Variants in ULK4 observed in about 807,000 individuals in gnomAD.
ULK4 encodes inactive serine/threonine-protein kinase ULK4.
A neutral mutation model predicts 160.6 loss-of-function variants in ULK4; 133 were observed. The ratio of observed to expected loss-of-function variants is 0.83; its 90% CI spans 0.72 to 0.96. The LOEUF (loss-of-function observed/expected upper bound fraction) is 0.96, where lower values mean the gene tolerates loss of function less well. Ranked by LOEUF, ULK4 falls within the 40% of genes least tolerant of loss-of-function variation. The pLI is 0.00. For missense variants in ULK4, 1,580 were observed against 1,499.5 expected (o/e 1.05, Z -0.89); for synonymous variants, 534 against 539.8 (o/e 0.99, Z 0.15).
chr3:41,870,317 TGA>T (rs1697042811), intron 17 of ULK4, among the ~76,000 whole-genome samples: 1 of 152,212 alleles, frequency 6.6e-6, no homozygotes, highest in African/African-American at 2.4e-5. Flanking sequence ...CATCTCCTTC[TGA>T]GAGTCAAATC....
chr3:41,430,415 G>A (rs756205180), intron 34 of ULK4, among the ~76,000 whole-genome samples: 31 of 152,164 alleles, frequency 2.0e-4, no homozygotes, highest in Non-Finnish European at 4.1e-4. Flanking sequence ...TATAGGACTT[G>A]GTTGCCCCAA....
At chr3:41,484,737 C>T (rs1050791531) in intron 32 of ULK4, among the ~76,000 whole-genome samples, 17 of 152,130 alleles carry the variant, frequency 1.1e-4, no homozygotes, top group African/African-American at 3.4e-4. Context: ...CAGGCGTGAG[C>T]CACCGCGCCC....
chr3:41,788,501 G>A lies in ULK4; in HGVS notation c.2193+1160C>T, dbSNP rs572246341. Among the ~76,000 whole-genome samples the A allele has an allele frequency of 7.3e-4, 111 of 152,100 alleles. 1 individual carries two copies. The South Asian group carries it at 0.013, about 17-fold the overall frequency. On this transcript the variant is annotated intron_variant, in intron 21 of 36. Transcript: ENST00000301831. ...AGATCGAGACCATCCTGGCTAACAC[G>A]GTGAAACCCCGTCTCTACTAAAAAT...
chr3:41,456,968 G>C (rs1303279649), intron 33 of ULK4, among the ~76,000 whole-genome samples: 2 of 152,278 alleles, frequency 1.3e-5, no homozygotes, highest in East Asian at 1.9e-4. Flanking sequence ...AGGAGAACAA[G>C]GGTCATCATT....
chr3:41,274,783 T>A (rs1000358800), intron 35 of ULK4, among the ~76,000 whole-genome samples: 3 of 152,224 alleles, frequency 2.0e-5, no homozygotes, highest in African/African-American at 7.2e-5. Flanking sequence ...GTGTTCCAAT[T>A]TGATATTGCT....
chr3:41,388,204 C>T lies in ULK4; in HGVS notation c.3678+9875G>A, dbSNP rs2081868787. Among the ~76,000 whole-genome samples, 3 of 152,148 alleles carry T rather than the reference C, an allele frequency of 2.0e-5. No individual in the cohort carries two copies. In the South Asian group the frequency reaches 6.2e-4, roughly 32 times the overall value. On this transcript the variant is annotated intron_variant, in intron 35 of 36. Coordinates refer to ENST00000301831, the MANE Select transcript of ULK4 (RefSeq NM_017886.4). The stretch of plus-strand genomic sequence containing the variant: ...GAAGTGTCTGTTCATATCCTTCACC[C>T]ACTTGTTGATGGGGTTGTTCACTTT...
chr3:41,476,058 G>T (rs2084133139), intron 32 of ULK4, among the ~76,000 whole-genome samples: 1 of 146,600 alleles, frequency 6.8e-6, no homozygotes, highest in African/African-American at 2.5e-5. Context: ...AGGAAGGAAG[G>T]GAGGGAGGGA....
chr3:41,398,294 T>C (rs1344792764), intron 34 of ULK4, 30 bp from the exon 35 acceptor site: 2 of 1,604,252 alleles, frequency 1.2e-6, no homozygotes, highest in Non-Finnish European at 1.7e-6. Context: ...ACTATTTAAA[T>C]TTCCTTGAAG....
intron 32 of ULK4, among the ~76,000 whole-genome samples, chr3:41,482,860 T>C (rs1575287511): frequency 6.6e-6 from 1 of 152,328 alleles, no homozygotes; most frequent in South Asian, 2.1e-4. Flanking sequence ...TCAGATTTTT[T>C]TAATTTTTTA....
At chr3:41,721,255 ATTTTTTTT>A (rs67078042) in intron 22 of ULK4, among the ~76,000 whole-genome samples, 500 of 45,054 alleles carry the variant, frequency 0.011, 3 homozygotes, top group African/African-American at 0.046. Context: ...TTCGCTTTGA[ATTTTTTTT>A]TTTTTTTTTT....
At chr3:41,867,366 G>A (rs1696932216) in intron 17 of ULK4, among the ~76,000 whole-genome samples, 2 of 152,170 alleles carry the variant, frequency 1.3e-5, no homozygotes, top group South Asian at 4.1e-4. Flanking sequence ...TGGAGGTGGG[G>A]TCTGACAATC....
At chr3:41,770,285 G>A (rs1415886063) in intron 21 of ULK4, among the ~76,000 whole-genome samples, 1 of 152,012 alleles carries the variant, frequency 6.6e-6, no homozygotes, top group Non-Finnish European at 1.5e-5. Context: ...GCAGCTTCAG[G>A]CTTATTATTA....
intron 32 of ULK4, among the ~76,000 whole-genome samples, chr3:41,533,879 C>T (rs2086403811): frequency 6.6e-6 from 1 of 152,210 alleles, no homozygotes; most frequent in African/African-American, 2.4e-5. Flanking sequence ...GCGATCTTGG[C>T]TCACTGCAAG....
At position 41,806,587 on chromosome 3, in the gene ULK4, T is replaced by C. The variant is rs2040650579; in HGVS notation, c.1849-6294A>G. ...TTTAATTGTGATGTTAGGGTGTCAA[T>C]TTTGGATCTTTCCTGCTTTCTCTTG... On this transcript the variant is annotated intron_variant, in intron 19 of 36. Coordinates refer to ENST00000301831, the MANE Select transcript of ULK4 (RefSeq NM_017886.4). 2.6e-5 allele frequency among the ~76,000 whole-genome samples: 4 copies of C among 152,288 alleles called. No homozygotes were observed. The South Asian group carries it at 8.3e-4, about 32-fold the overall frequency.
intron 17 of ULK4, chr3:41,868,903 T>A (rs1310336504): frequency 6.6e-6 from 1 of 152,172 alleles, no homozygotes; most frequent in Non-Finnish European, 1.5e-5. Flanking sequence ...AAGTCTATCA[T>A]CTTGTCATTT....
At chr3:41,947,259 C>T (rs1447592545) in intron 2 of ULK4, among the ~76,000 whole-genome samples, 1 of 152,062 alleles carries the variant, frequency 6.6e-6, no homozygotes, top group African/African-American at 2.4e-5. Context: ...TGCGGTGAGC[C>T]GAGACTGTGC....
At position 41,953,285 on chromosome 3, in the gene ULK4, C is replaced by CACACATATATATAT. The variant is rs374288098; in HGVS notation, c.138+1336_138+1337insATATATATATGTGT. Among the ~76,000 whole-genome samples, 61 of 85,926 alleles carry CACACATATATATAT rather than the reference C, an allele frequency of 7.1e-4. No individual in the cohort carries two copies. In the East Asian group the frequency reaches 0.013, roughly 18 times the overall value. 56.4% of individuals were successfully genotyped at this position (85,926 alleles called of 152,430 possible). A position where few individuals can be genotyped will look rare whatever the true frequency, so the allele number is the denominator to read the frequency against. ...ATATACACATATATACATATATACA[C>CACACATATATATAT]ATATATATATATATATATATTTTTT... On this transcript the variant is annotated intron_variant, in intron 2 of 36. Coordinates refer to ENST00000301831, the MANE Select transcript of ULK4 (RefSeq NM_017886.4).
At chr3:41,646,883 TG>T (rs2034521125) in intron 30 of ULK4, among the ~76,000 whole-genome samples, 1 of 152,228 alleles carries the variant, frequency 6.6e-6, no homozygotes, top group African/African-American at 2.4e-5. Context: ...TTGGAGGCTT[TG>T]TTCATTTCTT....
At chr3:41,611,183 G>A (rs893383177) in intron 31 of ULK4, among the ~76,000 whole-genome samples, 10 of 152,180 alleles carry the variant, frequency 6.6e-5, no homozygotes, top group African/African-American at 2.2e-4. Context: ...CGTGAAGACT[G>A]TACGTACTAT....
Sources: allele counts gnomAD v4.1 joint callset (sites outside exome capture counted in the v4.1 genomes callset), GRCh38; gene constraint gnomAD v4.1.1; transcripts MANE v1.5; gene names NCBI Gene and HGNC (gene_info 2026-07-23, HGNC 2026-07-21).